BLTP1: variants seen among roughly 807,000 people sequenced by gnomAD.
BLTP1 encodes the protein bridge-like lipid transfer protein family member 1.
chr4:122,355,327 C>G, the BLTP1 span, among the ~76,000 whole-genome samples: 1 of 151,998 alleles, frequency 6.6e-6, no homozygotes, highest in Non-Finnish European at 1.5e-5. Flanking sequence ...TACCTGATTT[C>G]AAGACCAGGA....
the BLTP1 span, chr4:122,347,649 T>G: frequency 6.2e-7 from 1 of 1,613,854 alleles, no homozygotes; most frequent in African/African-American, 1.3e-5. Flanking sequence ...CCCACATGCC[T>G]CAGTCACCTA....
chr4:122,155,749 G>A, the BLTP1 span, among the ~76,000 whole-genome samples: 1 of 152,146 alleles, frequency 6.6e-6, no homozygotes, highest in Non-Finnish European at 1.5e-5. Flanking sequence ...AAGATACATG[G>A]TCAGATAGGG....
the BLTP1 span, among the ~76,000 whole-genome samples, chr4:122,167,445 G>C: frequency 6.6e-6 from 1 of 151,976 alleles, no homozygotes; most frequent in Admixed American, 6.6e-5. Context: ...CTTTCTCTTG[G>C]GCTCTGACAC....
At chr4:122,235,395 A>G in the BLTP1 span, 1 of 981,522 alleles carries the variant, frequency 1.0e-6, no homozygotes, top group Middle Eastern at 5.2e-4. Context: ...TTATAGGATA[A>G]CTTTTGGATA....
chr4:122,267,600 C>T, the BLTP1 span: 20 of 971,282 alleles, frequency 2.1e-5, no homozygotes, highest in South Asian at 1.4e-4. Flanking sequence ...TCTGGGTTGA[C>T]GTGTCAGGTA....
At chr4:122,318,844 A>T in the BLTP1 span, among the ~76,000 whole-genome samples, 1 of 152,214 alleles carries the variant, frequency 6.6e-6, no homozygotes, top group East Asian at 1.9e-4. Flanking sequence ...AGAGTTATCG[A>T]TTCACAAGTG....
chr4:122,331,150 A>G, the BLTP1 span: 1 of 926,542 alleles, frequency 1.1e-6, no homozygotes, highest in Non-Finnish European at 1.3e-6. Context: ...GGCATATAAT[A>G]GTTATTCAGT....
the BLTP1 span, among the ~76,000 whole-genome samples, chr4:122,202,958 C>T: frequency 1.1e-4 from 17 of 151,688 alleles, no homozygotes; most frequent in African/African-American, 3.6e-4. Flanking sequence ...ACATAATCAC[C>T]GTTTTACAGA....
chr4:122,172,473 A>G, the BLTP1 span: 8 of 281,018 alleles, frequency 2.8e-5, no homozygotes, highest in East Asian at 1.7e-4. Flanking sequence ...AGCATATTCA[A>G]TGACATCATA....
the BLTP1 span, chr4:122,185,545 C>G: frequency 3.7e-6 from 2 of 544,828 alleles, no homozygotes; most frequent in African/African-American, 4.1e-5. Flanking sequence ...GATTGAAGTC[C>G]ACAGTTCATA....
the BLTP1 span, chr4:122,343,370 T>A: frequency 6.2e-7 from 1 of 1,605,062 alleles, no homozygotes; most frequent in Non-Finnish European, 8.5e-7. Context: ...GGCCTTTTTT[T>A]CTTGTAGCTT....
the BLTP1 span, chr4:122,235,580 C>T: frequency 8.6e-4 from 391 of 453,436 alleles, 1 homozygote; most frequent in African/African-American, 7.3e-3. Context: ...CCAAGGTGGG[C>T]GGATCACGAG....
the BLTP1 span, among the ~76,000 whole-genome samples, chr4:122,240,652 G>C: frequency 6.6e-6 from 1 of 152,050 alleles, no homozygotes; most frequent in Non-Finnish European, 1.5e-5. Context: ...TATCTTCCGT[G>C]TCTTAAAAAT....
chr4:122,240,265 C>T, the BLTP1 span: 1 of 1,614,100 alleles, frequency 6.2e-7, no homozygotes, highest in Non-Finnish European at 8.5e-7. Flanking sequence ...ACCTCTAAAT[C>T]CTCATTGCAT....
At chr4:122,194,347 A>C in the BLTP1 span, 1 of 161,380 alleles carries the variant, frequency 6.2e-6, no homozygotes, top group South Asian at 2.0e-4. Flanking sequence ...TACTTCATTA[A>C]GTTCTGCATT....
chr4:122,362,398 CA>C, the BLTP1 span: 1 of 614,646 alleles, frequency 1.6e-6, no homozygotes, highest in Non-Finnish European at 2.7e-6. Flanking sequence ...GTTCTAGTTC[CA>C]TCATTCTGTG....
chr4:122,230,331 G>A, the BLTP1 span: 1 of 810,434 alleles, frequency 1.2e-6, no homozygotes, highest in African/African-American at 1.7e-5. Flanking sequence ...GACCTAACAT[G>A]ATTGTGCTGC....
the BLTP1 span, chr4:122,249,143 G>C: frequency 1.3e-6 from 1 of 760,772 alleles, no homozygotes; most frequent in East Asian, 1.3e-4. Context: ...GTAATTAATT[G>C]AATTTTTTTT....
the BLTP1 span, chr4:122,187,964 A>G: frequency 9.6e-5 from 153 of 1,596,852 alleles, no homozygotes; most frequent in Non-Finnish European, 1.3e-4. Flanking sequence ...TGCTTTCTTA[A>G]CTTATACTAC....
Sources: allele counts gnomAD v4.1 joint callset (sites outside exome capture counted in the v4.1 genomes callset), GRCh38; gene constraint gnomAD v4.1.1; transcripts MANE v1.5; gene names NCBI Gene and HGNC (gene_info 2026-07-23, HGNC 2026-07-21).